The following AGBL1 variants were observed in gnomAD, a reference collection of about 807,000 sequenced individuals.
The protein encoded by AGBL1 is cytosolic carboxypeptidase 4.
In AGBL1, 130 loss-of-function variants were observed where a neutral mutation model predicts 118.9. The ratio of observed to expected loss-of-function variants is 1.09; its 90% CI spans 0.95 to 1.26. AGBL1 has a LOEUF of 1.26. Among genes scored for constraint, AGBL1 ranks in the 50% most tolerant of loss-of-function variants. The pLI is 0.00. For missense variants in AGBL1, 1,584 were observed against 1,298.1 expected (o/e 1.22, Z -3.38); for synonymous variants, 555 against 478.9 (o/e 1.16, Z -2.08).
chr15:86,416,538 G>A (rs2081697791), intron 18 of AGBL1, among the ~76,000 whole-genome samples: 1 of 151,982 alleles, frequency 6.6e-6, no homozygotes. Flanking sequence ...GGCCATTGAT[G>A]TCCATCTGAT....
chr15:86,431,612 A>G (rs561303610), intron 18 of AGBL1, among the ~76,000 whole-genome samples: 139 of 152,306 alleles, frequency 9.1e-4, no homozygotes, highest in African/African-American at 2.7e-3. Context: ...TTGGTTTATA[A>G]GCTTTTATTT....
chr15:86,118,360 G>A (rs752860371), intron 1 of AGBL1, among the ~76,000 whole-genome samples: 1 of 152,000 alleles, frequency 6.6e-6, no homozygotes, highest in Non-Finnish European at 1.5e-5. Context: ...TTCAAGACAC[G>A]TCTCCCCTCT....
chr15:86,753,018 T>C (rs2141256740), intron 22 of AGBL1, among the ~76,000 whole-genome samples: 1 of 152,280 alleles, frequency 6.6e-6, no homozygotes, highest in South Asian at 2.1e-4. Flanking sequence ...AGGCACTGTT[T>C]ATAAGACGCT....
chr15:86,211,986 G>T (rs2078106605), intron 5 of AGBL1, among the ~76,000 whole-genome samples: 1 of 152,040 alleles, frequency 6.6e-6, no homozygotes. Context: ...GAATCCTGTT[G>T]AGTTTTAAGA....
At chr15:87,008,692 C>G (rs1234449604) in intron 24 of AGBL1, among the ~76,000 whole-genome samples, 2 of 152,142 alleles carry the variant, frequency 1.3e-5, no homozygotes, top group Non-Finnish European at 2.9e-5. Context: ...TGTTGAATGG[C>G]TTTGACCAAA....
At chr15:86,639,300 A>G (rs1054206205) in intron 21 of AGBL1, among the ~76,000 whole-genome samples, 3 of 152,106 alleles carry the variant, frequency 2.0e-5, no homozygotes, top group African/African-American at 4.8e-5. Context: ...TCTACTTGCA[A>G]ATATTAAAAC....
intron 1 of AGBL1, among the ~76,000 whole-genome samples, chr15:86,090,359 A>C (rs940548632): frequency 6.6e-6 from 1 of 152,208 alleles, no homozygotes; most frequent in Non-Finnish European, 1.5e-5. Context: ...AGGGAGGAAA[A>C]ATCCCCCTAT....
At chr15:86,814,172 C>T (rs144651743) in intron 22 of AGBL1, among the ~76,000 whole-genome samples, 1 of 152,282 alleles carries the variant, frequency 6.6e-6, no homozygotes, top group African/African-American at 2.4e-5. Flanking sequence ...AGCTCTGCCT[C>T]TTGTCAAATC....
chr15:86,326,163 C>T (rs759143598), intron 17 of AGBL1, among the ~76,000 whole-genome samples: 11 of 152,176 alleles, frequency 7.2e-5, no homozygotes, highest in Non-Finnish European at 1.5e-4. Context: ...GAAGCCAGCA[C>T]ACTTTATTAC....
chr15:86,461,996 A>G (rs1310610388), intron 18 of AGBL1, among the ~76,000 whole-genome samples: 2 of 152,190 alleles, frequency 1.3e-5, no homozygotes, highest in East Asian at 3.8e-4. Context: ...ACAAATTCTT[A>G]GCTCTGTGGT....
At chr15:86,982,761 T>C (rs1318602249) in intron 23 of AGBL1, among the ~76,000 whole-genome samples, 1 of 152,210 alleles carries the variant, frequency 6.6e-6, no homozygotes, top group African/African-American at 2.4e-5. Context: ...AAGAATACAG[T>C]ATATAATACG....
intron 5 of AGBL1, among the ~76,000 whole-genome samples, chr15:86,190,591 T>C (rs982465361): frequency 1.3e-5 from 2 of 152,150 alleles, no homozygotes; most frequent in African/African-American, 4.8e-5. Flanking sequence ...CAGGCCCACC[T>C]GGGTTCCCTC....
At chr15:86,268,537 A>G (rs1360473102) in intron 13 of AGBL1, among the ~76,000 whole-genome samples, 1 of 152,166 alleles carries the variant, frequency 6.6e-6, no homozygotes, top group East Asian at 1.9e-4. Flanking sequence ...AGAGTCTAAA[A>G]TCCTAAATTC....
intron 5 of AGBL1, among the ~76,000 whole-genome samples, chr15:86,190,262 A>C (rs539031237): frequency 5.3e-5 from 8 of 152,154 alleles, no homozygotes; most frequent in African/African-American, 1.7e-4. Flanking sequence ...GCTCTGTTAA[A>C]GAATAGAAAA....
At chr15:86,094,701 T>C (rs1010304491) in intron 1 of AGBL1, among the ~76,000 whole-genome samples, 4 of 152,170 alleles carry the variant, frequency 2.6e-5, no homozygotes, top group Non-Finnish European at 5.9e-5. Flanking sequence ...TGACCAGTCA[T>C]TGGATGAAGG....
At chr15:86,850,256 A>G (rs185862573) in intron 22 of AGBL1, among the ~76,000 whole-genome samples, 8 of 151,126 alleles carry the variant, frequency 5.3e-5, no homozygotes, top group Admixed American at 2.7e-4. Flanking sequence ...GCCTTAGGCT[A>G]TGGACATTAC....
intron 22 of AGBL1, among the ~76,000 whole-genome samples, chr15:86,756,382 G>C (rs181485852): frequency 6.6e-6 from 1 of 151,908 alleles, no homozygotes; most frequent in South Asian, 2.1e-4. Context: ...GAACTACCAT[G>C]TGCTGGGGAT....
intron 21 of AGBL1, among the ~76,000 whole-genome samples, chr15:86,597,027 T>G (rs1168124927): frequency 6.6e-6 from 1 of 152,166 alleles, no homozygotes; most frequent in African/African-American, 2.4e-5. Context: ...AGACAGGTTG[T>G]TCTCATTTTC....
chr15:86,657,326 G>A (rs758761327), intron 21 of AGBL1, among the ~76,000 whole-genome samples: 1 of 152,130 alleles, frequency 6.6e-6, no homozygotes, highest in African/African-American at 2.4e-5. Context: ...CTTGACACAA[G>A]CTTTCCTCAC....
Sources: gnomAD v4.1 joint callset for allele counts (sites outside exome capture counted in the v4.1 genomes callset) on GRCh38, gnomAD v4.1.1 for gene constraint, MANE v1.5 for transcripts, NCBI Gene and HGNC (gene_info 2026-07-23, HGNC 2026-07-21) for gene names.